KCNIP4: variants seen among roughly 807,000 people sequenced by gnomAD.
KCNIP4 encodes Kv channel-interacting protein 4.
Under a neutral mutation model 34.0 loss-of-function variants are expected in KCNIP4, and 12 were observed. The ratio of observed to expected loss-of-function variants is 0.35; its 90% confidence interval spans 0.23 to 0.57. The LOEUF is 0.57. Among genes scored for constraint, KCNIP4 ranks in the 20% least tolerant of loss-of-function variants. KCNIP4 has a pLI of 0.83. For missense variants in KCNIP4, 238 were observed against 311.7 expected, an observed-to-expected ratio of 0.76 and a Z score of 1.78; for synonymous variants, 124 against 102.2, an observed-to-expected ratio of 1.21 and a Z score of -1.29.
At chr4:21,697,047 G>T in intron 1 of KCNIP4, among the ~76,000 whole-genome samples, 1 of 151,578 alleles carries the variant, frequency 6.6e-6, no homozygotes, top group Admixed American at 6.6e-5. Context: ...AAAACCCCTT[G>T]CACAATCATG....
intron 5 of KCNIP4, among the ~76,000 whole-genome samples, chr4:20,737,486 G>T (rs116086840): frequency 1.1e-3 from 163 of 152,270 alleles, no homozygotes; most frequent in African/African-American, 3.7e-3. Flanking sequence ...GGAGGATCCA[G>T]AACATGGGTA....
chr4:20,854,106 G>A (rs1234868387), intron 2 of KCNIP4, among the ~76,000 whole-genome samples: 1 of 152,140 alleles, frequency 6.6e-6, no homozygotes, highest in Non-Finnish European at 1.5e-5. Flanking sequence ...ACTAAAAGTA[G>A]AACTACCATT....
At chr4:21,287,469 TGGG>T (rs1473350650) in intron 1 of KCNIP4, among the ~76,000 whole-genome samples, 16 of 152,294 alleles carry the variant, frequency 1.1e-4, no homozygotes, top group Admixed American at 7.8e-4. Flanking sequence ...TCTGTAAAAC[TGGG>T]CACTGCTCAA....
At position 21,065,858 on chromosome 4, in the gene KCNIP4, G is replaced by A. The variant is rs995797693; in HGVS notation, c.62-183149C>T. ...TAAGATTTATTTTCAAAATGTGAAT[G>A]TAAATCAGATCTTCCCATCACGACC... On this transcript the variant is annotated intron_variant, in intron 1 of 8. Coordinates refer to ENST00000382152, the MANE Select transcript of KCNIP4 (RefSeq NM_025221.6). Among the ~76,000 whole-genome samples, 6 of 150,250 alleles carry A rather than the reference G, an allele frequency of 4.0e-5. No homozygotes were observed. In the East Asian group the frequency reaches 1.2e-3, roughly 29 times the overall value.
At chr4:21,083,820 T>G (rs1746202397) in intron 1 of KCNIP4, among the ~76,000 whole-genome samples, 1 of 151,910 alleles carries the variant, frequency 6.6e-6, no homozygotes, top group Non-Finnish European at 1.5e-5. Context: ...ACAACTCTCT[T>G]CTTTGAAATT....
intron 3 of KCNIP4, among the ~76,000 whole-genome samples, chr4:20,816,132 A>G (rs1716346245): frequency 6.6e-6 from 1 of 151,996 alleles, no homozygotes; most frequent in African/African-American, 2.4e-5. Context: ...GCACACCTGT[A>G]GTCCCAGCTA....
chr4:21,371,423 A>G (rs6448047), intron 1 of KCNIP4, among the ~76,000 whole-genome samples: 132,763 of 145,734 alleles, frequency 0.91, 61,683 homozygotes, highest in Non-Finnish European at 0.96. Context: ...AAAGGAAAAT[A>G]TGAGTTATAT....
chr4:20,827,085 A>G (rs2149452259), intron 3 of KCNIP4, among the ~76,000 whole-genome samples: 1 of 152,292 alleles, frequency 6.6e-6, no homozygotes, highest in Non-Finnish European at 1.5e-5. Context: ...AGCAGAAATA[A>G]TGTTATGCCA....
chr4:21,373,024 A>G (rs537239892), intron 1 of KCNIP4, among the ~76,000 whole-genome samples: 1 of 145,502 alleles, frequency 6.9e-6, no homozygotes, highest in Non-Finnish European at 1.5e-5. Flanking sequence ...TAATTTAAAC[A>G]TAATTTGGCC....
intron 1 of KCNIP4, among the ~76,000 whole-genome samples, chr4:21,416,966 G>C (rs534980341): frequency 3.3e-5 from 5 of 152,300 alleles, no homozygotes; most frequent in African/African-American, 1.2e-4. Context: ...TTTCTCATGT[G>C]AAATTGTGTT....
chr4:21,666,067 T>C (rs537063860), intron 1 of KCNIP4, among the ~76,000 whole-genome samples: 1 of 152,384 alleles, frequency 6.6e-6, no homozygotes, highest in South Asian at 2.1e-4. Flanking sequence ...ATTTCTCTGT[T>C]GCTCCTGCCT....
At chr4:21,686,382 C>T (rs1750804060) in intron 1 of KCNIP4, among the ~76,000 whole-genome samples, 1 of 152,006 alleles carries the variant, frequency 6.6e-6, no homozygotes, top group African/African-American at 2.4e-5. Flanking sequence ...TATCTGTTTC[C>T]AGTAATTTTA....
chr4:20,813,409 T>A (rs1343435816), intron 3 of KCNIP4, among the ~76,000 whole-genome samples: 1 of 152,138 alleles, frequency 6.6e-6, no homozygotes, highest in Non-Finnish European at 1.5e-5. Context: ...CAGATTTAAA[T>A]GTTTTATGAA....
chr4:21,308,968 T>C (rs998106417), intron 1 of KCNIP4, among the ~76,000 whole-genome samples: 1 of 66,070 alleles, frequency 1.5e-5, no homozygotes, highest in Non-Finnish European at 2.6e-5. Context: ...AAAATGAACG[T>C]GCTTAGAGAC....
chr4:21,652,424 G>A (rs1366564722), intron 1 of KCNIP4, among the ~76,000 whole-genome samples: 1 of 152,096 alleles, frequency 6.6e-6, no homozygotes, highest in African/African-American at 2.4e-5. Context: ...GATGTCAGGT[G>A]GGAGGTGGAA....
intron 1 of KCNIP4, among the ~76,000 whole-genome samples, chr4:21,077,967 A>C (rs952478515): frequency 6.6e-6 from 1 of 152,068 alleles, no homozygotes; most frequent in African/African-American, 2.4e-5. Context: ...GAAGATTTTT[A>C]ATATGAGTTT....
chr4:21,591,570 C>T (rs1356875058), intron 1 of KCNIP4, among the ~76,000 whole-genome samples: 1 of 151,746 alleles, frequency 6.6e-6, no homozygotes, highest in East Asian at 1.9e-4. Context: ...CGTGTAAATT[C>T]TTTTTAGCAT....
intron 1 of KCNIP4, among the ~76,000 whole-genome samples, chr4:21,085,107 C>T (rs1746304482): frequency 6.6e-6 from 1 of 151,990 alleles, no homozygotes; most frequent in South Asian, 2.1e-4. Flanking sequence ...TATGCTGAAG[C>T]CTAAACCCCA....
intron 1 of KCNIP4, among the ~76,000 whole-genome samples, chr4:21,353,946 T>C (rs1210680332): frequency 6.6e-6 from 1 of 152,174 alleles, no homozygotes; most frequent in African/African-American, 2.4e-5. Flanking sequence ...TAACAGTGGA[T>C]CTCTTGGCAG....
Sources: gnomAD v4.1 joint callset for allele counts (sites outside exome capture counted in the v4.1 genomes callset) on GRCh38, gnomAD v4.1.1 for gene constraint, MANE v1.5 for transcripts, NCBI Gene and HGNC (gene_info 2026-07-23, HGNC 2026-07-21) for gene names.